The following HDX variants were observed in gnomAD, a reference collection of about 807,000 sequenced individuals.
HDX encodes the protein highly divergent homeobox.
A neutral mutation model predicts 45.2 loss-of-function variants in HDX; 19 were observed. The ratio of observed to expected loss-of-function variants is 0.42; its 90% CI spans 0.29 to 0.62. The LOEUF is 0.62. HDX is among the 20% of genes least tolerant of loss of function. The pLI, the probability that HDX is intolerant of heterozygous loss-of-function variation, is 0.20. For synonymous variants in HDX, 188 were observed against 172.8 expected, an observed-to-expected ratio of 1.09 and a Z score of -0.69; for missense variants, 532 against 493.9, an observed-to-expected ratio of 1.08 and a Z score of -0.73.
At chrX:84,340,998 A>C (rs1215631577) in intron 7 of HDX, among the ~76,000 whole-genome samples, 1 of 111,667 alleles carries the variant, frequency 9.0e-6, no homozygotes, top group African/African-American at 3.3e-5. Context: ...CTTTAAAATT[A>C]ACTTTCACTT....
intron 3 of HDX, among the ~76,000 whole-genome samples, chrX:84,471,655 T>C (rs2040458225): frequency 9.1e-6 from 1 of 109,552 alleles, no homozygotes; most frequent in African/African-American, 3.3e-5. Context: ...GTCATCTCTA[T>C]TGGCCATTTT....
chrX:84,427,978 A>G (rs5922995), intron 5 of HDX, among the ~76,000 whole-genome samples: 43,484 of 109,378 alleles, frequency 0.4, 7,073 homozygotes, highest in Middle Eastern at 0.55. Context: ...AATTTTAGCC[A>G]TTCTAGTGTG....
Position 84,320,085 on chromosome X carries a change from T to G in HDX, c.*1804A>C, listed in dbSNP as rs901747693. On this transcript the variant is annotated 3_prime_UTR_variant, in exon 11 of 11. Coordinates refer to ENST00000373177, the MANE Select transcript of HDX (RefSeq NM_001177479.2). The stretch of plus-strand genomic sequence containing the variant: ...TTGAAGGCCTGGAATTTGTTCATGC[T>G]ACTTAATAAGTGGTTTCTAACTTCG... 1 of 111,263 alleles carries G rather than the reference T, an allele frequency of 9.0e-6. No homozygotes were observed. The highest frequency in any genetic ancestry group is 3.3e-5 in the African/African-American group (1 of 30,691). The allele number at this position is 111,263 out of a possible 1,213,427, so 9.2% of individuals were successfully genotyped here.
intron 3 of HDX, among the ~76,000 whole-genome samples, chrX:84,471,406 C>T (rs891845493): frequency 9.4e-6 from 1 of 106,886 alleles, no homozygotes; most frequent in South Asian, 3.9e-4. Flanking sequence ...TATAATAGAT[C>T]TATCGATATA....
intron 9 of HDX, among the ~76,000 whole-genome samples, chrX:84,326,648 A>G (rs956183435): frequency 9.0e-6 from 1 of 111,333 alleles, no homozygotes; most frequent in African/African-American, 3.3e-5. Flanking sequence ...TGCGTGGCTC[A>G]CACCTGTAAC....
Position 84,336,886 on chromosome X carries a change from G to GA in HDX, c.1661-7dup, listed in dbSNP as rs776836012. ...AACAACTTCATTGGGCTCTTCTACA[G>GA]AAAAAAATGCCATAATTTCATTTTC... On this transcript the variant is annotated splice_region_variant and splice_polypyrimidine_tract_variant and intron_variant, in intron 7 of 10. Coordinates refer to ENST00000373177, the MANE Select transcript of HDX (RefSeq NM_001177479.2). 5.2e-4 allele frequency: 582 copies of GA among 1,124,789 alleles called. 3 individuals are homozygous for GA. The African/African-American group carries it at 9.1e-3, about 18-fold the overall frequency. 92.7% of individuals were successfully genotyped at this position (1,124,789 alleles called of 1,213,427 possible). A position where few individuals can be genotyped will look rare whatever the true frequency, so the allele number is the denominator to read the frequency against.
chrX:84,456,126 T>C (rs937657591), intron 4 of HDX, among the ~76,000 whole-genome samples: 2 of 112,102 alleles, frequency 1.8e-5, no homozygotes, highest in South Asian at 7.4e-4. Flanking sequence ...AGAAATCATC[T>C]GATGGTACAA....
intron 3 of HDX, among the ~76,000 whole-genome samples, chrX:84,470,746 C>G: frequency 9.0e-6 from 1 of 111,360 alleles, no homozygotes; most frequent in South Asian, 3.7e-4. Context: ...TTTTCTGAGT[C>G]ATGGATCTTC....
chrX:84,464,875 A>G (rs1311911796), intron 4 of HDX, among the ~76,000 whole-genome samples: 1 of 112,044 alleles, frequency 8.9e-6, no homozygotes, highest in East Asian at 2.8e-4. Context: ...AACTATCATC[A>G]GAGTGAACAG....
At chrX:84,485,641 G>C (rs941060109) in intron 2 of HDX, among the ~76,000 whole-genome samples, 10 of 111,820 alleles carry the variant, frequency 8.9e-5, no homozygotes, top group Admixed American at 2.8e-4. Flanking sequence ...CAAGTGATCT[G>C]CCCTCCTTGG....
At chrX:84,351,576 G>A (rs1246300324) in intron 6 of HDX, among the ~76,000 whole-genome samples, 1 of 111,340 alleles carries the variant, frequency 9.0e-6, no homozygotes, top group Non-Finnish European at 1.9e-5. Flanking sequence ...TCTTGGCTGA[G>A]AGAGGCCAGG....
At chrX:84,411,550 AT>A (rs771199753) in intron 5 of HDX, among the ~76,000 whole-genome samples, 6 of 111,247 alleles carry the variant, frequency 5.4e-5, no homozygotes, top group Non-Finnish European at 1.1e-4. Flanking sequence ...GATTTTGATA[AT>A]TTTGAATTTG....
intron 4 of HDX, among the ~76,000 whole-genome samples, chrX:84,461,298 A>G (rs1419053571): frequency 8.9e-6 from 1 of 111,760 alleles, no homozygotes; most frequent in Non-Finnish European, 1.9e-5. Context: ...TAACCAAAAT[A>G]GCATGATACT....
intron 8 of HDX, among the ~76,000 whole-genome samples, chrX:84,334,672 C>CA (rs60988215): frequency 0.12 from 6,296 of 51,465 alleles, 312 homozygotes; most frequent in African/African-American, 0.26. Flanking sequence ...AAAAAAAAAG[C>CA]AAAAAAAAAA....
At position 84,366,440 on chromosome X, in the gene HDX, T is replaced by A. The variant is rs762770915; in HGVS notation, c.1306-4828A>T. Among the ~76,000 whole-genome samples the A allele has an allele frequency of 2.5e-3, 284 of 111,781 alleles. 1 individual carries two copies. Among genetic ancestry groups the A allele is most frequent in the African/African-American group, 8.9e-3 (275 of 30,777 alleles). On this transcript the variant is annotated intron_variant, in intron 5 of 10. Coordinates refer to ENST00000373177, the MANE Select transcript of HDX (RefSeq NM_001177479.2). ...ATTTATAGACTCAATGCTATTCCCA[T>A]CAAGCTACCATTGACTTTCTTCACA... is the stretch of plus-strand genomic sequence containing the variant.
intron 5 of HDX, among the ~76,000 whole-genome samples, chrX:84,390,437 T>C (rs2038415756): frequency 8.9e-6 from 1 of 111,741 alleles, no homozygotes; most frequent in South Asian, 3.8e-4. Context: ...TTTTATCACG[T>C]TCTGAAAATT....
intron 5 of HDX, among the ~76,000 whole-genome samples, chrX:84,438,501 A>C (rs1442420689): frequency 4.6e-5 from 5 of 109,803 alleles, no homozygotes; most frequent in African/African-American, 1.7e-4. Flanking sequence ...CCAGACCATA[A>C]GTATAGTACC....
chrX:84,492,975 C>T (rs1423568893), intron 1 of HDX, among the ~76,000 whole-genome samples: 10 of 106,674 alleles, frequency 9.4e-5, no homozygotes, highest in African/African-American at 3.5e-4. Flanking sequence ...TGCAATGGCG[C>T]GATTTCGGCT....
chrX:84,442,237 G>T (rs1446806730), intron 4 of HDX, among the ~76,000 whole-genome samples: 1 of 111,225 alleles, frequency 9.0e-6, no homozygotes, highest in Non-Finnish European at 1.9e-5. Context: ...AATATTTAAT[G>T]TTTTTCATAA....
Sources: gnomAD v4.1 joint callset for allele counts (sites outside exome capture counted in the v4.1 genomes callset) on GRCh38, gnomAD v4.1.1 for gene constraint, MANE v1.5 for transcripts, NCBI Gene and HGNC (gene_info 2026-07-23, HGNC 2026-07-21) for gene names.